Variants in RIPOR3 observed in about 807,000 individuals in gnomAD.
RIPOR3 encodes the protein RIPOR family member 3, also known as family with sequence similarity 65 member C.
A neutral mutation model predicts 114.3 loss-of-function variants in RIPOR3; 95 were observed. The observed-to-expected ratio is 0.83, with a 90% CI of 0.70 to 0.99. RIPOR3 has a LOEUF of 0.99. Among genes scored for constraint, RIPOR3 ranks in the 50% least tolerant of loss-of-function variants. The pLI, the probability that RIPOR3 is intolerant of heterozygous loss-of-function variation, is 0.00. For synonymous variants in RIPOR3, 575 were observed against 543.8 expected, an observed-to-expected ratio of 1.06 and a Z score of -0.80; for missense variants, 1,252 against 1,266.9, an observed-to-expected ratio of 0.99 and a Z score of 0.18.
chr20:50,659,647 C>CAA (rs558386174), intron 1 of RIPOR3, among the ~76,000 whole-genome samples: 7,476 of 77,912 alleles, frequency 0.096, 347 homozygotes, highest in African/African-American at 0.14. Context: ...AACTCCGTCT[C>CAA]AAAAAAAAAA....
chr20:50,657,213 C>T (rs1418285805), intron 1 of RIPOR3, among the ~76,000 whole-genome samples: 1 of 152,076 alleles, frequency 6.6e-6, no homozygotes, highest in Admixed American at 6.6e-5. Flanking sequence ...ATAGTGAGAC[C>T]CCATCTCTCC....
chr20:50,684,752 AG>A, intron 1 of RIPOR3, among the ~76,000 whole-genome samples: 1 of 152,286 alleles, frequency 6.6e-6, no homozygotes, highest in South Asian at 2.1e-4. Flanking sequence ...GCAGGTTGAC[AG>A]GGGAGCCAAC....
At chr20:50,631,280 A>C (rs368203206) in intron 1 of RIPOR3, among the ~76,000 whole-genome samples, 5 of 152,248 alleles carry the variant, frequency 3.3e-5, no homozygotes, top group African/African-American at 1.2e-4. Flanking sequence ...CCCAGCAGGG[A>C]GGCCCACCTA....
chr20:50,638,683 G>T (rs1451593416), intron 1 of RIPOR3, among the ~76,000 whole-genome samples: 12 of 152,070 alleles, frequency 7.9e-5, no homozygotes, highest in Non-Finnish European at 8.8e-5. Context: ...GGGGGTGTGG[G>T]GGATGAAGGA....
chr20:50,617,871 C>G (rs1262117144), intron 3 of RIPOR3, among the ~76,000 whole-genome samples: 1 of 152,026 alleles, frequency 6.6e-6, no homozygotes, highest in Non-Finnish European at 1.5e-5. Context: ...ATCCGCCTGC[C>G]TCCGCCTCCC....
In RIPOR3 at chr20:50,596,185, G is replaced by A. The variant is rs763041379; in HGVS notation, c.1869C>T (p.Asp623=). The A allele has an allele frequency of 2.0e-5, 33 of 1,614,078 alleles. No individual in the cohort carries two copies. The African/African-American group carries it at 3.1e-4, about 15-fold the overall frequency. ...CTTGGAGGTGTACCATCAGCAGCAC[G>A]TCCAGCTCTGGGGCACCGGCTGTGA... is the stretch of plus-strand genomic sequence containing the variant. ...RELTAGAPEL[D]VLLMVHLQVC... Residue 623 remains aspartate (D), a synonymous_variant, in exon 15 of 22, where the codon GAC becomes GAT. Transcript: ENST00000327979.
chr20:50,671,409 C>T (rs202074896), intron 1 of RIPOR3, among the ~76,000 whole-genome samples: 16 of 95,324 alleles, frequency 1.7e-4, no homozygotes, highest in African/African-American at 1.5e-4. Context: ...CATGAGCACG[C>T]GCGCGTGCAC....
Position 50,602,039 on chromosome 20 carries a change from G to C in RIPOR3, c.1659+33C>G, listed in dbSNP as rs2083513139. The C allele has an allele frequency of 6.9e-7, 1 of 1,451,100 alleles. No individual in the cohort carries two copies. The highest frequency in any genetic ancestry group is 9.1e-7 in the Non-Finnish European group (1 of 1,103,564). The allele number at this position is 1,451,100 out of a possible 1,614,324, so 89.9% of individuals were successfully genotyped here. On this transcript the variant is annotated intron_variant, in intron 13 of 21. Coordinates refer to ENST00000327979, the MANE Select transcript of RIPOR3 (RefSeq NM_001290268.2). The surrounding 1 kb of genome is among the most constrained non-coding windows in gnomAD (Gnocchi z 4.3). ...TCCCAGTCATCATGCCATCAGCAAA[G>C]CAGGGCCACCGCCCGGGGCGGGGTG... is the stretch of plus-strand genomic sequence containing the variant.
intron 17 of RIPOR3, 53 bp from the exon 18 acceptor site, chr20:50,593,249 C>T: frequency 6.3e-7 from 1 of 1,578,490 alleles, no homozygotes; most frequent in Non-Finnish European, 8.6e-7. Context: ...ACCCTCCACG[C>T]TTCTCAGCTG....
At chr20:50,624,009 T>G (rs987776573) in intron 2 of RIPOR3, among the ~76,000 whole-genome samples, 3 of 115,260 alleles carry the variant, frequency 2.6e-5, no homozygotes, top group African/African-American at 1.2e-4. Flanking sequence ...GTAATTTTTG[T>G]TTTTTTTAGT....
chr20:50,603,720 C>T (rs758679689), intron 12 of RIPOR3, among the ~76,000 whole-genome samples: 2 of 152,208 alleles, frequency 1.3e-5, no homozygotes, highest in Non-Finnish European at 2.9e-5. Context: ...TTAGGCCACA[C>T]GGGTGGTGAG....
At chr20:50,652,886 C>T (rs1398095451) in intron 1 of RIPOR3, among the ~76,000 whole-genome samples, 2 of 152,144 alleles carry the variant, frequency 1.3e-5, no homozygotes, top group Non-Finnish European at 2.9e-5. Flanking sequence ...CTTGGCAGTT[C>T]CTCAAATGGT....
intron 2 of RIPOR3, among the ~76,000 whole-genome samples, chr20:50,630,039 T>C (rs1035315818): frequency 1.3e-5 from 2 of 151,818 alleles, no homozygotes; most frequent in Non-Finnish European, 2.9e-5. Context: ...GTGATCTCGG[T>C]ACACTGCAAC....
chr20:50,657,454 G>A (rs2085850152), intron 1 of RIPOR3, among the ~76,000 whole-genome samples: 1 of 152,144 alleles, frequency 6.6e-6, no homozygotes, highest in Non-Finnish European at 1.5e-5. Context: ...TTGAACCTGG[G>A]AGGTGGAGGT....
intron 2 of RIPOR3, 47 bp from the exon 3 acceptor site, chr20:50,620,179 C>T: frequency 3.1e-6 from 5 of 1,600,012 alleles, no homozygotes; most frequent in Non-Finnish European, 4.3e-6. Flanking sequence ...AGGGCCCTGA[C>T]AAAGCCCTCC....
intron 1 of RIPOR3, among the ~76,000 whole-genome samples, chr20:50,643,441 C>T (rs1006435098): frequency 5.3e-5 from 8 of 149,710 alleles, no homozygotes; most frequent in Admixed American, 1.3e-4. Context: ...CTGGCCAAAT[C>T]CCACCACTTT....
chr20:50,625,954 T>A (rs549664581), intron 2 of RIPOR3, among the ~76,000 whole-genome samples: 1 of 152,188 alleles, frequency 6.6e-6, no homozygotes, highest in Non-Finnish European at 1.5e-5. Flanking sequence ...TCCCTGTCTA[T>A]AGTGAAAGGG....
At chr20:50,620,329 T>C (rs1424568387) in intron 2 of RIPOR3, among the ~76,000 whole-genome samples, 197 bp from the exon 3 acceptor site, 1 of 152,058 alleles carries the variant, frequency 6.6e-6, no homozygotes, top group Non-Finnish European at 1.5e-5. Context: ...TTCTCATCTG[T>C]AAAATTAGGA....
intron 4 of RIPOR3, among the ~76,000 whole-genome samples, chr20:50,615,610 C>T (rs2084146216): frequency 1.3e-5 from 2 of 151,568 alleles, no homozygotes; most frequent in Admixed American, 1.3e-4. Flanking sequence ...AACACGCAGG[C>T]TTCATCAAGG....
Sources: allele counts gnomAD v4.1 joint callset (sites outside exome capture counted in the v4.1 genomes callset), GRCh38; gene constraint gnomAD v4.1.1; non-coding constraint Gnocchi (gnomAD v3.1); transcripts MANE v1.5; gene names NCBI Gene and HGNC (gene_info 2026-07-23, HGNC 2026-07-21).